The following BRD10 variants were observed in gnomAD, a reference collection of about 807,000 sequenced individuals.
BRD10 encodes the protein uncharacterized bromodomain-containing protein 10.
At chr9:5,979,446 G>T in the BRD10 span, among the ~76,000 whole-genome samples, 1 of 151,938 alleles carries the variant, frequency 6.6e-6, no homozygotes, top group Non-Finnish European at 1.5e-5. Context: ...CTGGGAGGTG[G>T]AGTCTGCAGT....
the BRD10 span, among the ~76,000 whole-genome samples, chr9:5,998,692 T>A: frequency 6.6e-6 from 1 of 152,048 alleles, no homozygotes; most frequent in Non-Finnish European, 1.5e-5. Context: ...AGTAAAAAAT[T>A]AAGAGATTTC....
At chr9:6,007,387 C>A in the BRD10 span, 2 of 1,611,426 alleles carry the variant, frequency 1.2e-6, no homozygotes, top group Middle Eastern at 1.7e-4. Context: ...CATGCCCTGT[C>A]CGGGCTGCTG....
At chr9:5,919,647 G>A in the BRD10 span, 2 of 1,540,472 alleles carry the variant, frequency 1.3e-6, no homozygotes, top group Admixed American at 2.2e-5. Context: ...TCAAAACAAT[G>A]CCCCATTATT....
the BRD10 span, among the ~76,000 whole-genome samples, chr9:5,960,087 A>C: frequency 5.3e-5 from 8 of 152,202 alleles, no homozygotes; most frequent in Non-Finnish European, 1.2e-4. Context: ...CTAGCACAGC[A>C]CATTGATTTT....
the BRD10 span, among the ~76,000 whole-genome samples, chr9:5,883,277 G>T: frequency 6.6e-6 from 1 of 151,810 alleles, no homozygotes; most frequent in Non-Finnish European, 1.5e-5. Context: ...CTTTTGTTTT[G>T]GAGAACCTCT....
chr9:5,908,900 T>C, the BRD10 span: 1 of 564,956 alleles, frequency 1.8e-6, no homozygotes, highest in Non-Finnish European at 3.1e-6. Flanking sequence ...ATGAGAAATA[T>C]TAAATTGGGA....
chr9:6,001,071 G>A, the BRD10 span, among the ~76,000 whole-genome samples: 10 of 152,060 alleles, frequency 6.6e-5, no homozygotes, highest in African/African-American at 2.4e-4. Flanking sequence ...CACCAGCTGG[G>A]CTCAAATGCT....
chr9:5,982,132 C>T, the BRD10 span, among the ~76,000 whole-genome samples: 3 of 152,100 alleles, frequency 2.0e-5, no homozygotes, highest in African/African-American at 7.2e-5. Flanking sequence ...ATATTATCTA[C>T]AAATATATAC....
the BRD10 span, chr9:6,008,052 C>A: frequency 8.8e-7 from 1 of 1,133,584 alleles, no homozygotes; most frequent in Non-Finnish European, 1.1e-6. Context: ...CCGGCGGCGG[C>A]GCGCGCACGG....
At chr9:5,949,633 CA>C in the BRD10 span, among the ~76,000 whole-genome samples, 1 of 152,110 alleles carries the variant, frequency 6.6e-6, no homozygotes, top group Non-Finnish European at 1.5e-5. Flanking sequence ...GGAGCAAGGG[CA>C]CACTGCATGG....
the BRD10 span, chr9:6,007,482 C>A: frequency 6.2e-7 from 1 of 1,611,756 alleles, no homozygotes; most frequent in Non-Finnish European, 8.5e-7. Context: ...CCAAGGGCTG[C>A]AGAAAGGGGG....
chr9:5,990,960 CAT>C, the BRD10 span, among the ~76,000 whole-genome samples: 1 of 152,092 alleles, frequency 6.6e-6, no homozygotes, highest in Admixed American at 6.5e-5. Flanking sequence ...ACACTGGAAA[CAT>C]AAATGTTTTT....
the BRD10 span, among the ~76,000 whole-genome samples, chr9:5,958,141 T>C: frequency 1.3e-5 from 2 of 152,154 alleles, no homozygotes; most frequent in East Asian, 1.9e-4. Context: ...ACCTTAATAA[T>C]AAACCTTAGT....
chr9:5,923,204 T>C, the BRD10 span: 1 of 1,614,014 alleles, frequency 6.2e-7, no homozygotes, highest in East Asian at 2.2e-5. Flanking sequence ...GGACTGTCGT[T>C]TAAGTGTTTT....
At chr9:5,969,897 C>T in the BRD10 span, among the ~76,000 whole-genome samples, 2 of 152,046 alleles carry the variant, frequency 1.3e-5, no homozygotes, top group African/African-American at 4.8e-5. Context: ...TACCATTTTG[C>T]TTTTTTCAGA....
At chr9:5,927,086 T>G in the BRD10 span, among the ~76,000 whole-genome samples, 16 of 152,304 alleles carry the variant, frequency 1.1e-4, no homozygotes, top group African/African-American at 3.9e-4. Flanking sequence ...TCTATAAGAT[T>G]GGAATGAAAA....
At chr9:5,881,784 G>C in the BRD10 span, 1 of 152,230 alleles carries the variant, frequency 6.6e-6, no homozygotes, top group South Asian at 2.1e-4. Context: ...ATTGTTCTTA[G>C]TGTTGAAATA....
chr9:5,999,767 C>A, the BRD10 span, among the ~76,000 whole-genome samples: 1 of 152,134 alleles, frequency 6.6e-6, no homozygotes, highest in Non-Finnish European at 1.5e-5. Flanking sequence ...AACCTCTACA[C>A]CAATTTAGTT....
chr9:5,956,016 C>T, the BRD10 span, among the ~76,000 whole-genome samples: 5 of 152,048 alleles, frequency 3.3e-5, no homozygotes, highest in African/African-American at 1.2e-4. Context: ...CAAGAAAAAA[C>T]TGAATGATCT....
Sources: allele counts gnomAD v4.1 joint callset (sites outside exome capture counted in the v4.1 genomes callset), GRCh38; gene constraint gnomAD v4.1.1; transcripts MANE v1.5; gene names NCBI Gene and HGNC (gene_info 2026-07-23, HGNC 2026-07-21).